Variants in DUSP9 observed in about 807,000 individuals in gnomAD.
The protein encoded by DUSP9 is dual specificity protein phosphatase 9.
Under a neutral mutation model 13.2 loss-of-function variants are expected in DUSP9, and 4 were observed. That is an observed-to-expected ratio of 0.30 (90% CI 0.15 to 0.69). The LOEUF (loss-of-function observed/expected upper bound fraction) is 0.69. Ranked by LOEUF, DUSP9 falls within the 30% of genes least tolerant of loss-of-function variation. The pLI, the probability that DUSP9 is intolerant of heterozygous loss-of-function variation, is 0.73. For synonymous variants in DUSP9, 166 were observed against 172.3 expected, an observed-to-expected ratio of 0.96 and a Z score of 0.29; for missense variants, 263 against 355.0, an observed-to-expected ratio of 0.74 and a Z score of 2.08.
upstream of DUSP9, among the ~76,000 whole-genome samples, chrX:153,644,267 G>A (rs2091179681): frequency 1.1e-5 from 1 of 94,453 alleles, no homozygotes; most frequent in African/African-American, 3.8e-5. Flanking sequence ...GCCCGGCGGA[G>A]GCCCGGGGCG....
In DUSP9 at chrX:153,648,294, G is replaced by A. The variant is rs1221025830; in HGVS notation, c.341G>A (p.Arg114Gln). The A allele has an allele frequency of 3.5e-6, 4 of 1,136,170 alleles. No homozygotes were observed. Among genetic ancestry groups the A allele is most frequent in the East Asian group, 3.6e-5 (1 of 27,765 alleles). 93.6% of individuals were successfully genotyped at this position (1,136,170 alleles called of 1,213,427 possible). ...SVLGTLLQKL[R>Q]EEGYLAYYLQ... ...CTGGGCACCCTGCTGCAGAAGCTGC[G>A]AGAGGAAGGCTACCTGGCCTACTAC... is the stretch of plus-strand genomic sequence containing the variant. The change falls in exon 2 of 4, where the codon CGA becomes CAA. Residue 114 changes from arginine to glutamine, a missense_variant. By Grantham distance (43) the Arg-to-Gln change is conservative. Transcript: ENST00000342782.
rs901802798 is a variant in DUSP9, at chrX:153,648,002, C to T, written c.49C>T (p.Pro17Ser). Residue 17 changes from proline (P) to serine (S), a missense_variant, in exon 2 of 4, where the codon CCC (proline) becomes TCC (serine). Coordinates refer to ENST00000342782, the MANE Select transcript of DUSP9 (RefSeq NM_001318503.2). ...SCLWLRRELS[P>S]PRPRLLLLDC... ...CCTGTGGCTGCGTCGGGAGCTGTCG[C>T]CCCCGCGGCCGCGGCTCCTGCTCCT... The T allele has an allele frequency of 4.5e-6, 5 of 1,102,227 alleles. No homozygotes were observed. Among genetic ancestry groups the T allele is most frequent in the Non-Finnish European group, 5.9e-6 (5 of 848,747 alleles). 90.8% of individuals were successfully genotyped at this position (1,102,227 alleles called of 1,213,427 possible).
Position 153,650,123 on chromosome X carries a change from T to C in DUSP9, c.973T>C (p.Ser325Pro), listed in dbSNP as rs782393282. ...DAYDLVKRKK[S>P]NISPNFNFMG... ...CTATGACCTGGTCAAGAGGAAGAAG[T>C]CTAACATCTCCCCCAACTTCAACTT... is the stretch of plus-strand genomic sequence containing the variant. The change falls in exon 4 of 4, where the codon TCT (serine) becomes CCT (proline). Residue 325 changes from serine (S) to proline (P), a missense_variant. By Grantham distance (74) the Ser-to-Pro change is moderately conservative (BLOSUM62 -1). Coordinates refer to ENST00000342782, the MANE Select transcript of DUSP9 (RefSeq NM_001318503.2). 1.7e-6 allele frequency: 2 copies of C among 1,211,830 alleles called. No homozygotes were observed. The highest frequency in any genetic ancestry group is 2.2e-6 in the Non-Finnish European group (2 of 895,501).
rs147877710 is a variant in DUSP9 at position 153,649,254 on chromosome X, C to T, written c.396C>T (p.Ala132=). Reference sequence around the variant, plus strand: ...CAGGAGGCTTCAGCAGATTCCAGGCCGAGTGCCCTCACCTGTGTGAGACCA... The same window carrying T: ...CAGGAGGCTTCAGCAGATTCCAGGCTGAGTGCCCTCACCTGTGTGAGACCA... The part of the protein sequence containing the change: ...YLQGGFSRFQ[A]ECPHLCETSL... The change falls in exon 3 of 4, where the codon GCC becomes GCT. Residue 132 remains alanine, a synonymous_variant. Transcript: ENST00000342782. The T allele has an allele frequency of 1.3e-5, 16 of 1,209,516 alleles. No individual in the cohort carries two copies. The East Asian group carries it at 2.4e-4, about 18-fold the overall frequency.
chrX:153,649,939 C>T, intron 3 of DUSP9, 41 bp from the exon 4 acceptor site: 1 of 1,178,197 alleles, frequency 8.5e-7, no homozygotes, highest in South Asian at 1.9e-5. Context: ...TCACACACGC[C>T]TGCCCTCCGG....
chrX:153,643,379 G>A, upstream of DUSP9: 5 of 313,646 alleles, frequency 1.6e-5, no homozygotes, highest in South Asian at 1.5e-4. Flanking sequence ...GCATTTGGTG[G>A]CATCCCTGCC....
chrX:153,650,649 C>T lies in DUSP9; in HGVS notation c.*344C>T, dbSNP rs1052073882. The T allele has an allele frequency of 1.1e-4, 12 of 112,796 alleles. No homozygotes were observed. Among genetic ancestry groups the T allele is most frequent in the Non-Finnish European group, 2.0e-4 (11 of 53,827 alleles). The allele number at this position is 112,796 out of a possible 1,213,427, so 9.3% of individuals were successfully genotyped here. On this transcript the variant is annotated 3_prime_UTR_variant, in exon 4 of 4. Coordinates refer to ENST00000342782, the MANE Select transcript of DUSP9 (RefSeq NM_001318503.2). ...CCCCCTTCAGGAAGGGTGTGTGCCA[C>T]CTCGTTGCACTGGATCCCAGTGGCT...
chrX:153,643,873 G>A (rs2091177901), upstream of DUSP9, among the ~76,000 whole-genome samples: 2 of 112,920 alleles, frequency 1.8e-5, no homozygotes, highest in Non-Finnish European at 3.8e-5. Flanking sequence ...TCTTCCGCGA[G>A]CGCCGGGCGC....
intron 2 of DUSP9, among the ~76,000 whole-genome samples, chrX:153,648,596 G>T (rs1185022355): frequency 9.0e-6 from 1 of 111,373 alleles, no homozygotes; most frequent in Non-Finnish European, 1.9e-5. Flanking sequence ...GGGCTCCCCA[G>T]GGTCTCGGCA....
In DUSP9 at chrX:153,650,262, C is replaced by A. The variant is rs782808941; in HGVS notation, c.1112C>A (p.Thr371Asn). The change falls in exon 4 of 4, where the codon ACC becomes AAC. Residue 371 changes from threonine to asparagine, a missense_variant. By Grantham distance (65) the Thr-to-Asn change is moderately conservative. Coordinates refer to ENST00000342782, the MANE Select transcript of DUSP9 (RefSeq NM_001318503.2). ...SAASNPPSFF[T>N]TPTSDGAFEL... is the part of the protein sequence containing the mutation. The stretch of plus-strand genomic sequence containing the variant: ...GCCTCCAACCCGCCCTCCTTCTTCA[C>A]CACCCCCACCAGTGATGGCGCCTTC... 8.3e-7 allele frequency: 1 copy of A among 1,206,097 alleles called. No individual in the cohort carries two copies. Among genetic ancestry groups the A allele is most frequent in the East Asian group, 3.0e-5 (1 of 33,721 alleles).
chrX:153,647,189 C>T (rs1259049240), upstream of DUSP9: 2 of 112,352 alleles, frequency 1.8e-5, no homozygotes, highest in Non-Finnish European at 3.8e-5. Flanking sequence ...ACTCCACGTC[C>T]GAAGGCAGTT....
chrX:153,644,575 C>T (rs1330938987), upstream of DUSP9, among the ~76,000 whole-genome samples: 4 of 111,895 alleles, frequency 3.6e-5, no homozygotes, highest in African/African-American at 1.3e-4. Context: ...AACAGGTTCC[C>T]ATTTGTCCTG....
chrX:153,647,153 G>A (rs1361630055), upstream of DUSP9: 1 of 96,423 alleles, frequency 1.0e-5, no homozygotes, highest in African/African-American at 3.8e-5. Flanking sequence ...CCGGAGCCCC[G>A]CCCCGGCCCG....
rs782226600 is a variant in DUSP9 at position 153,650,170 on chromosome X, T to C, written c.1020T>C (p.Phe340=). Residue 340 remains phenylalanine (F), a synonymous_variant, in exon 4 of 4, where the codon TTT becomes TTC. Transcript: ENST00000342782. ...ACTTCATGGGGCAGTTGCTGGACTTTGAGCGCAGCTTGCGGCTGGAGGAGC... is the reference window on the plus strand; with the variant it reads ...ACTTCATGGGGCAGTTGCTGGACTTCGAGCGCAGCTTGCGGCTGGAGGAGC... ...NFNFMGQLLD[F]ERSLRLEERH... is the part of the protein sequence containing the mutation. 9 of 1,211,081 alleles carry C rather than the reference T, an allele frequency of 7.4e-6. No individual in the cohort carries two copies. The Admixed American group carries it at 2.0e-4, about 26-fold the overall frequency.
At position 153,648,114 on chromosome X, in the gene DUSP9, T is replaced by C; in HGVS notation, c.161T>C (p.Leu54Pro). The C allele has an allele frequency of 1.0e-6, 1 of 997,057 alleles. No homozygotes were observed. The highest frequency in any genetic ancestry group is 1.3e-6 in the Non-Finnish European group (1 of 794,096). The allele number at this position is 997,057 out of a possible 1,213,427, so 82.2% of individuals were successfully genotyped here. A position where few individuals can be genotyped will look rare whatever the true frequency, so the allele number is the denominator to read the frequency against. Residue 54 changes from leucine (L) to proline (P), a missense_variant, in exon 2 of 4, where the codon CTG becomes CCG. Leu to Pro is a moderately conservative substitution (Grantham distance 98). Coordinates refer to ENST00000342782, the MANE Select transcript of DUSP9 (RefSeq NM_001318503.2). ...CTGCCGGCGCTCCTGCTGCGCCGCC[T>C]GCGGAGGGGCAGCCTGTCGGTGCGC... Reference protein sequence around the residue: ...VALPALLLRRLRRGSLSVRAL... With the variant: ...VALPALLLRRPRRGSLSVRAL...
chrX:153,649,133 ACCCT>A, intron 2 of DUSP9, 95 bp from the exon 3 acceptor site: 1 of 852,646 alleles, frequency 1.2e-6, no homozygotes, highest in Non-Finnish European at 1.7e-6. Flanking sequence ...ACATTTGCAA[ACCCT>A]CCAAGTTGTC....
chrX:153,645,213 T>C (rs1190905221), upstream of DUSP9, among the ~76,000 whole-genome samples: 1 of 112,849 alleles, frequency 8.9e-6, no homozygotes, highest in African/African-American at 3.2e-5. Context: ...GGAGGGAGAC[T>C]ACTGGCTCCG....
At chrX:153,644,652 T>C (rs1483349977), upstream of DUSP9, among the ~76,000 whole-genome samples, 1 of 112,577 alleles carries the variant, frequency 8.9e-6, no homozygotes, top group African/African-American at 3.2e-5. Context: ...GAGCCCCTCA[T>C]GGCCTCCTCC....
rs781852114 is a variant in DUSP9 at position 153,649,925 on chromosome X, G to A, written c.830-55G>A. ...CTTTGAGGGCCCTTCGGAAGGCCTC[G>A]GCCTCACACACGCCTGCCCTCCGGG... is the stretch of plus-strand genomic sequence containing the variant. On this transcript the variant is annotated intron_variant, in intron 3 of 3. Coordinates refer to ENST00000342782, the MANE Select transcript of DUSP9 (RefSeq NM_001318503.2). 17 of 1,150,087 alleles carry A rather than the reference G, an allele frequency of 1.5e-5. No individual in the cohort carries two copies. In the Admixed American group the frequency reaches 2.3e-4, roughly 16 times the overall value. The allele number at this position is 1,150,087 out of a possible 1,213,427, so 94.8% of individuals were successfully genotyped here.
Sources: allele counts gnomAD v4.1 joint callset (sites outside exome capture counted in the v4.1 genomes callset), GRCh38; gene constraint gnomAD v4.1.1; transcripts MANE v1.5; gene names NCBI Gene and HGNC (gene_info 2026-07-23, HGNC 2026-07-21).